FHIT: variants seen among roughly 807,000 people sequenced by gnomAD.
FHIT encodes bis(5'-adenosyl)-triphosphatase.
A neutral mutation model predicts 17.9 loss-of-function variants in FHIT; 19 were observed. The observed-to-expected ratio is 1.06, with a 90% CI of 0.74 to 1.56. The LOEUF (loss-of-function observed/expected upper bound fraction) is 1.56. Among genes scored for constraint, FHIT ranks in the 40% most tolerant of loss-of-function variants. The pLI is 0.00. For missense variants in FHIT, 248 were observed against 189.2 expected (o/e 1.31, Z -1.82); for synonymous variants, 81 against 69.7 (o/e 1.16, Z -0.81).
At chr3:60,447,984 G>T (rs1235898767) in intron 5 of FHIT, among the ~76,000 whole-genome samples, 1 of 152,148 alleles carries the variant, frequency 6.6e-6, no homozygotes, top group Non-Finnish European at 1.5e-5. Context: ...ACCATGAAAT[G>T]ATTTTGAATG....
At chr3:61,049,291 G>C (rs1277814806) in intron 2 of FHIT, among the ~76,000 whole-genome samples, 1 of 151,356 alleles carries the variant, frequency 6.6e-6, no homozygotes, top group Non-Finnish European at 1.5e-5. Context: ...ATTAAAATAT[G>C]ATAAACAATT....
chr3:60,266,503 G>A (rs1277991438), intron 5 of FHIT, among the ~76,000 whole-genome samples: 1 of 152,038 alleles, frequency 6.6e-6, no homozygotes, highest in East Asian at 1.9e-4. Flanking sequence ...TTCTGATAAT[G>A]TTCCGAAAAC....
chr3:60,932,388 G>T (rs930699436), intron 3 of FHIT, among the ~76,000 whole-genome samples: 1 of 151,984 alleles, frequency 6.6e-6, no homozygotes, highest in Non-Finnish European at 1.5e-5. Flanking sequence ...CCTGCTGGTG[G>T]TCTCTTCCTT....
rs146807791 is a variant in FHIT, at chr3:60,435,425, A to G, written c.103+101435T>C. Reference sequence around the variant, plus strand: ...GTACTATTGGGGAATTATATACTTTATAACGTAATAAAAATGATTTTTTTT... The same window carrying G: ...GTACTATTGGGGAATTATATACTTTGTAACGTAATAAAAATGATTTTTTTT... On this transcript the variant is annotated intron_variant, in intron 5 of 9. Coordinates refer to ENST00000492590, the MANE Select transcript of FHIT (RefSeq NM_002012.4). Among the ~76,000 whole-genome samples, 810 of 130,334 alleles carry G rather than the reference A, an allele frequency of 6.2e-3. 9 individuals are homozygous for G. The highest frequency in any genetic ancestry group is 0.022 in the African/African-American group (779 of 35,864). 85.5% of individuals were successfully genotyped at this position (130,334 alleles called of 152,430 possible). A position where few individuals can be genotyped will look rare whatever the true frequency, so the allele number is the denominator to read the frequency against.
intron 4 of FHIT, among the ~76,000 whole-genome samples, chr3:60,793,046 G>C: frequency 6.6e-6 from 1 of 152,108 alleles, no homozygotes; most frequent in East Asian, 1.9e-4. Context: ...TTTTAAAAAA[G>C]ATTCTTGTGA....
At chr3:60,305,874 A>T (rs1201124873) in intron 5 of FHIT, among the ~76,000 whole-genome samples, 1 of 152,160 alleles carries the variant, frequency 6.6e-6, no homozygotes, top group Non-Finnish European at 1.5e-5. Context: ...GCACAGTTTT[A>T]TGAAGACGGT....
rs567005451 is a variant in FHIT, at chr3:60,961,056, A to G, written c.-111+80991T>C. Among the ~76,000 whole-genome samples, 3 of 152,344 alleles carry G rather than the reference A, an allele frequency of 2.0e-5. No individual in the cohort carries two copies. The South Asian group carries it at 6.2e-4, about 32-fold the overall frequency. On this transcript the variant is annotated intron_variant, in intron 3 of 9. Coordinates refer to ENST00000492590, the MANE Select transcript of FHIT (RefSeq NM_002012.4). The stretch of plus-strand genomic sequence containing the variant: ...TAGTTTACAGTCCCACCAACAGTGT[A>G]AAAGTTTTCCTATTACTCCACATCC...
chr3:59,803,264 G>A (rs1035985278), intron 8 of FHIT, among the ~76,000 whole-genome samples: 2 of 152,192 alleles, frequency 1.3e-5, no homozygotes, highest in African/African-American at 2.4e-5. Context: ...AGACAGGGAC[G>A]AGGTAAATTT....
At chr3:60,309,433 T>TA (rs1272800046) in intron 5 of FHIT, among the ~76,000 whole-genome samples, 16 of 151,832 alleles carry the variant, frequency 1.1e-4, no homozygotes, top group South Asian at 4.2e-4. Context: ...CTTTGAACAC[T>TA]AAAAAAAATA....
At chr3:60,509,144 G>T (rs1341173446) in intron 5 of FHIT, among the ~76,000 whole-genome samples, 2 of 152,138 alleles carry the variant, frequency 1.3e-5, no homozygotes, top group Non-Finnish European at 2.9e-5. Context: ...TCCAGGACAG[G>T]CCAAACAGAT....
chr3:60,133,360 T>C (rs1429669473), intron 5 of FHIT, among the ~76,000 whole-genome samples: 1 of 152,122 alleles, frequency 6.6e-6, no homozygotes, highest in African/African-American at 2.4e-5. Flanking sequence ...ATTTCAATCC[T>C]TTGGGCTCAA....
At chr3:59,874,543 A>T (rs1703066150) in intron 8 of FHIT, among the ~76,000 whole-genome samples, 1 of 152,112 alleles carries the variant, frequency 6.6e-6, no homozygotes, top group South Asian at 2.1e-4. Flanking sequence ...GATCTAGAAG[A>T]TGCCCGCTGC....
At chr3:60,215,986 C>T (rs734156) in intron 5 of FHIT, among the ~76,000 whole-genome samples, 53,964 of 152,002 alleles carry the variant, frequency 0.36, 9,853 homozygotes, top group Non-Finnish European at 0.38. Context: ...GTATTTGGCA[C>T]ATGTAATTAC....
intron 3 of FHIT, among the ~76,000 whole-genome samples, chr3:60,832,901 C>A (rs1702384245): frequency 6.6e-6 from 1 of 152,148 alleles, no homozygotes; most frequent in Admixed American, 6.5e-5. Context: ...ACATTTAAGG[C>A]CCATCTCAAA....
At chr3:60,076,878 ACTG>A (rs1703031908) in intron 5 of FHIT, among the ~76,000 whole-genome samples, 6 of 20,330 alleles carry the variant, frequency 3.0e-4, no homozygotes, top group Non-Finnish European at 1.2e-3. Context: ...GTGAGACACG[ACTG>A]ACTGAAAGGT....
intron 5 of FHIT, among the ~76,000 whole-genome samples, chr3:60,184,550 G>A (rs1702080541): frequency 6.6e-6 from 1 of 152,146 alleles, no homozygotes; most frequent in Admixed American, 6.5e-5. Flanking sequence ...TCACATCATA[G>A]CAACGTCCAT....
At chr3:60,575,011 T>A (rs1559552092) in intron 4 of FHIT, among the ~76,000 whole-genome samples, 1 of 152,020 alleles carries the variant, frequency 6.6e-6, no homozygotes, top group African/African-American at 2.4e-5. Flanking sequence ...GGCCCAAGAA[T>A]AGAGATGATA....
At chr3:60,506,748 G>A (rs577469245) in intron 5 of FHIT, among the ~76,000 whole-genome samples, 28 of 152,112 alleles carry the variant, frequency 1.8e-4, no homozygotes, top group South Asian at 8.3e-4. Context: ...TTCAGCCTGC[G>A]TAAATGGAAT....
At chr3:60,592,211 C>T (rs2107697656) in intron 4 of FHIT, among the ~76,000 whole-genome samples, 1 of 144,024 alleles carries the variant, frequency 6.9e-6, no homozygotes, top group South Asian at 2.2e-4. Flanking sequence ...CTATATGTAA[C>T]CTCTATATAT....
Sources: gnomAD v4.1 joint callset for allele counts (sites outside exome capture counted in the v4.1 genomes callset) on GRCh38, gnomAD v4.1.1 for gene constraint, MANE v1.5 for transcripts, NCBI Gene and HGNC (gene_info 2026-07-23, HGNC 2026-07-21) for gene names.